The following SCUBE2 variants were observed in gnomAD, a reference collection of about 807,000 sequenced individuals.
SCUBE2 encodes signal peptide, CUB domain and EGF like domain containing 2.
SCUBE2 carries 114 observed loss-of-function variants against 125.9 expected under a neutral mutation model. The observed-to-expected ratio is 0.91, with a 90% CI of 0.78 to 1.06. The LOEUF is 1.06. Ranked by LOEUF, SCUBE2 falls within the 50% of genes least tolerant of loss-of-function variation. SCUBE2 has a pLI of 0.00. For missense variants in SCUBE2, 1,255 were observed against 1,301.8 expected (o/e 0.96, Z 0.55); for synonymous variants, 459 against 492.9 (o/e 0.93, Z 0.91).
chr11:9,069,965 C>T (rs901556042), intron 4 of SCUBE2, among the ~76,000 whole-genome samples: 1 of 152,212 alleles, frequency 6.6e-6, no homozygotes, highest in Admixed American at 6.5e-5. Flanking sequence ...TCTGCCCCCA[C>T]CAATCCCACC....
At chr11:9,040,152 C>G (rs1857085726) in intron 16 of SCUBE2, among the ~76,000 whole-genome samples, 1 of 152,170 alleles carries the variant, frequency 6.6e-6, no homozygotes, top group South Asian at 2.1e-4. Context: ...TCCAAGACCC[C>G]CAGTGGGTGC....
intron 7 of SCUBE2, chr11:9,064,495 A>G (rs1349009152): frequency 1.3e-5 from 2 of 151,608 alleles, no homozygotes; most frequent in Non-Finnish European, 2.9e-5. Context: ...AAAAGAAAAG[A>G]AGAAAAAAAT....
Position 9,047,957 on chromosome 11 carries a change from T to C in SCUBE2, c.1781A>G (p.Gln594Arg), listed in dbSNP as rs1218214580. 6.2e-7 allele frequency: 1 copy of C among 1,611,702 alleles called. No individual in the cohort carries two copies. Among genetic ancestry groups the C allele is most frequent in the East Asian group, 2.2e-5 (1 of 44,828 alleles). Reference sequence around the variant, plus strand: ...TTCAAACCAACCTGTCACCTCCTTTTGGTTAGTTTCAAGCTCAAACTCAAC... The same window carrying C: ...TTCAAACCAACCTGTCACCTCCTTTCGGTTAGTTTCAAGCTCAAACTCAAC... Reference protein sequence around the residue: ...ITVEFELETNQKEVTASCDLS... With the variant: ...ITVEFELETNRKEVTASCDLS... The change falls in exon 15 of 23, where the codon CAA becomes CGA. Residue 594 changes from glutamine to arginine, a missense_variant. Physicochemically the swap from Gln to Arg is conservative, Grantham distance 43. Transcript: ENST00000649792.
chr11:9,068,287 T>C (rs1860450002), intron 5 of SCUBE2, among the ~76,000 whole-genome samples: 1 of 152,194 alleles, frequency 6.6e-6, no homozygotes, highest in Non-Finnish European at 1.5e-5. Context: ...AATCGTGGTT[T>C]AGGAACACCA....
At chr11:9,035,444 A>G (rs1856676833) in intron 16 of SCUBE2, among the ~76,000 whole-genome samples, 2 of 152,352 alleles carry the variant, frequency 1.3e-5, no homozygotes, top group South Asian at 4.1e-4. Context: ...GGCAGATTTA[A>G]GTGCAGTTGA....
chr11:9,069,265 G>A, intron 5 of SCUBE2, 105 bp downstream of exon 5: 1 of 1,477,246 alleles, frequency 6.8e-7, no homozygotes, highest in Non-Finnish European at 9.3e-7. Context: ...TGCCTTCCCT[G>A]CTGCTGCAGC....
chr11:9,051,237 C>CCTACCTACCTATCTAT lies in SCUBE2; in HGVS notation c.1535-528_1535-527insATAGATAGGTAGGTAG, dbSNP rs1555245415. On this transcript the variant is annotated intron_variant, in intron 13 of 22. Transcript: ENST00000649792. Reference sequence around the variant, plus strand: ...ATCTATCTATCTATCTACCTACCTACCTATCTATCTATCTATCTATCTACC... The same window carrying CCTACCTACCTATCTAT: ...ATCTATCTATCTATCTACCTACCTACCTACCTACCTATCTATCTATCTATCTATCTATCTATCTACC... Among the ~76,000 whole-genome samples, 34 of 150,396 alleles carry CCTACCTACCTATCTAT rather than the reference C, an allele frequency of 2.3e-4. No homozygotes were observed. In the East Asian group the frequency reaches 2.3e-3, roughly 10 times the overall value.
chr11:9,081,703 T>C (rs1027781611), intron 2 of SCUBE2, among the ~76,000 whole-genome samples: 22 of 152,274 alleles, frequency 1.4e-4, no homozygotes, highest in African/African-American at 5.1e-4. Context: ...TATTATTTTG[T>C]ACATAACACA....
chr11:9,055,828 C>T lies in SCUBE2; in HGVS notation c.1172G>A (p.Arg391Gln). ...GGTGAAGCCATACAGGGTGTACCCT[C>T]GGTTGCAAGCACAAGCAAATGTGCC... ...HPGTFACACN[R>Q]GYTLYGFTHC... Residue 391 changes from arginine (R) to glutamine (Q), a missense_variant, in exon 10 of 23, where the codon CGA becomes CAA. Physicochemically the swap from Arg to Gln is conservative, Grantham distance 43 (BLOSUM62 1). This residue lies in a region of SCUBE2 where 378 missense variants were observed against 463.1 expected (regional missense o/e 0.82). Coordinates refer to ENST00000649792, the MANE Select transcript of SCUBE2 (RefSeq NM_001367977.2). 3 of 1,614,148 alleles carry T rather than the reference C, an allele frequency of 1.9e-6. No individual in the cohort carries two copies. The highest frequency in any genetic ancestry group is 2.5e-6 in the Non-Finnish European group (3 of 1,180,034).
chr11:9,085,726 A>G (rs1361728241), intron 2 of SCUBE2, among the ~76,000 whole-genome samples: 1 of 152,164 alleles, frequency 6.6e-6, no homozygotes, highest in Non-Finnish European at 1.5e-5. Context: ...ACTGTGTCTC[A>G]AAAATAAAAA....
intron 18 of SCUBE2, chr11:9,030,246 G>T: frequency 3.3e-6 from 2 of 604,512 alleles, no homozygotes; most frequent in Non-Finnish European, 5.8e-6. Flanking sequence ...AAATATAGAG[G>T]AACAAGATAT....
chr11:9,080,655 A>C, intron 2 of SCUBE2, among the ~76,000 whole-genome samples: 1 of 152,244 alleles, frequency 6.6e-6, no homozygotes, highest in Middle Eastern at 3.4e-3. Context: ...TCTCAAAAAA[A>C]AAAAAAGGAG....
chr11:9,075,782 G>A (rs1861166369), intron 3 of SCUBE2, among the ~76,000 whole-genome samples: 1 of 152,380 alleles, frequency 6.6e-6, no homozygotes, highest in South Asian at 2.1e-4. Flanking sequence ...ACAGCACTGC[G>A]GCTGCCAGGG....
intron 5 of SCUBE2, among the ~76,000 whole-genome samples, chr11:9,067,372 C>G (rs931658340): frequency 1.3e-5 from 2 of 151,918 alleles, no homozygotes; most frequent in African/African-American, 4.8e-5. Context: ...GATGATAGGC[C>G]AAAAAGAAAA....
At chr11:9,022,014 C>A in intron 21 of SCUBE2, 59 bp from the exon 22 acceptor site, 1 of 1,287,244 alleles carries the variant, frequency 7.8e-7, no homozygotes, top group South Asian at 1.2e-5. Context: ...CAAACTCACT[C>A]TTTCACTTTT....
chr11:9,061,264 G>A (rs1228853485), intron 7 of SCUBE2, among the ~76,000 whole-genome samples: 4 of 152,034 alleles, frequency 2.6e-5, no homozygotes, highest in African/African-American at 9.7e-5. Context: ...AAGGCTGGGG[G>A]TGGGGGGTGG....
rs1176072602 is a variant in SCUBE2 at position 9,020,125 on chromosome 11, C to T, written c.*920G>A. On this transcript the variant is annotated 3_prime_UTR_variant, in exon 23 of 23. Coordinates refer to ENST00000649792, the MANE Select transcript of SCUBE2 (RefSeq NM_001367977.2). ...TGGGCCTCACCACACCCACCTGGAC[C>T]TCAGATCCCTTGTGATGGGAAGCCC... Among the ~76,000 whole-genome samples, 1 of 152,204 alleles carries T rather than the reference C, an allele frequency of 6.6e-6. No individual in the cohort carries two copies. The highest frequency in any genetic ancestry group is 1.9e-4 in the East Asian group (1 of 5,184).
chr11:9,078,716 C>T (rs1237955814), intron 3 of SCUBE2, among the ~76,000 whole-genome samples: 1 of 152,196 alleles, frequency 6.6e-6, no homozygotes, highest in African/African-American at 2.4e-5. Context: ...TAATACCAGC[C>T]TTAAAAAGCA....
intron 2 of SCUBE2, among the ~76,000 whole-genome samples, chr11:9,081,691 A>G (rs1348033240): frequency 6.6e-6 from 1 of 151,888 alleles, no homozygotes; most frequent in Non-Finnish European, 1.5e-5. Context: ...AAAAACCAAA[A>G]ATATTATTTT....
Sources: gnomAD v4.1 joint callset for allele counts (sites outside exome capture counted in the v4.1 genomes callset) on GRCh38, gnomAD v4.1.1 for gene constraint, gnomAD v4.1.1 regional missense constraint, MANE v1.5 for transcripts, NCBI Gene and HGNC (gene_info 2026-07-23, HGNC 2026-07-21) for gene names.